PARD3: variants seen among roughly 807,000 people sequenced by gnomAD.
PARD3 encodes partitioning defective 3 homolog.
In PARD3, 75 loss-of-function variants were observed where a neutral mutation model predicts 155.4. The ratio of observed to expected loss-of-function variants is 0.48; its 90% CI spans 0.40 to 0.58. The LOEUF (loss-of-function observed/expected upper bound fraction) is 0.58. Among genes scored for constraint, PARD3 ranks in the 20% least tolerant of loss-of-function variants. The pLI is 0.00. For synonymous variants in PARD3, 576 were observed against 610.5 expected (o/e 0.94, Z 0.83); for missense variants, 1,642 against 1,721.7 (o/e 0.95, Z 0.82).
chr10:34,198,121 G>C (rs957375667), intron 22 of PARD3, among the ~76,000 whole-genome samples: 8 of 152,224 alleles, frequency 5.3e-5, no homozygotes, highest in African/African-American at 1.4e-4. Context: ...AATGATAACA[G>C]CAAGATTCAG....
intron 22 of PARD3, among the ~76,000 whole-genome samples, chr10:34,167,754 C>G (rs770736112): frequency 1.3e-5 from 2 of 152,106 alleles, no homozygotes; most frequent in African/African-American, 2.4e-5. Flanking sequence ...AACTTGTTTA[C>G]GCTTGAACGT....
intron 3 of PARD3, among the ~76,000 whole-genome samples, chr10:34,500,739 T>G (rs2080636526): frequency 6.6e-6 from 1 of 151,956 alleles, no homozygotes; most frequent in East Asian, 1.9e-4. Flanking sequence ...TAACAAAAGT[T>G]ACATAAAATA....
At chr10:34,651,110 C>T (rs996332351) in intron 2 of PARD3, among the ~76,000 whole-genome samples, 11 of 150,746 alleles carry the variant, frequency 7.3e-5, no homozygotes, top group Non-Finnish European at 1.6e-4. Context: ...GGAATCACAG[C>T]CGCCCGCACA....
intron 21 of PARD3, among the ~76,000 whole-genome samples, chr10:34,278,872 C>G (rs1956020271): frequency 6.6e-6 from 1 of 152,122 alleles, no homozygotes; most frequent in Non-Finnish European, 1.5e-5. Flanking sequence ...TAATAAAACA[C>G]TAGAATAATA....
intron 22 of PARD3, among the ~76,000 whole-genome samples, chr10:34,162,214 T>C (rs914866502): frequency 1.3e-5 from 2 of 151,980 alleles, no homozygotes; most frequent in Non-Finnish European, 2.9e-5. Context: ...ATATGCACAC[T>C]GGGGGGAAGG....
chr10:34,550,355 G>T (rs531105924), intron 2 of PARD3, among the ~76,000 whole-genome samples: 1 of 152,090 alleles, frequency 6.6e-6, no homozygotes, highest in Non-Finnish European at 1.5e-5. Flanking sequence ...GGGACTACAG[G>T]TGTGTACCAC....
chr10:34,310,411 A>C (rs1209724319), intron 20 of PARD3, among the ~76,000 whole-genome samples: 1 of 152,262 alleles, frequency 6.6e-6, no homozygotes, highest in Non-Finnish European at 1.5e-5. Context: ...AAATTGACTT[A>C]GCATCTCAGA....
intron 2 of PARD3, among the ~76,000 whole-genome samples, chr10:34,682,042 GAAAGA>G: frequency 6.6e-6 from 1 of 151,842 alleles, no homozygotes; most frequent in East Asian, 1.9e-4. Context: ...AGGGCTAGAT[GAAAGA>G]AAAGGATGCT....
intron 5 of PARD3, among the ~76,000 whole-genome samples, chr10:34,413,176 CACACAT>C (rs1845288117): frequency 7.0e-6 from 1 of 143,286 alleles, no homozygotes; most frequent in African/African-American, 2.5e-5. Flanking sequence ...CACACACACA[CACACAT>C]ATATATAAGA....
At chr10:34,723,808 G>A (rs896471431) in intron 1 of PARD3, among the ~76,000 whole-genome samples, 1 of 152,148 alleles carries the variant, frequency 6.6e-6, no homozygotes, top group African/African-American at 2.4e-5. Context: ...TGAGCACACC[G>A]CAGGGATGCA....
chr10:34,691,984 G>A (rs1438062903), intron 2 of PARD3, among the ~76,000 whole-genome samples: 1 of 152,234 alleles, frequency 6.6e-6, no homozygotes, highest in Non-Finnish European at 1.5e-5. Context: ...TGTAATCCCA[G>A]TACTTTGGAG....
intron 9 of PARD3, among the ~76,000 whole-genome samples, chr10:34,382,060 T>C (rs1214867547): frequency 6.6e-6 from 1 of 151,142 alleles, no homozygotes; most frequent in Admixed American, 6.6e-5. Context: ...TACTATAAAC[T>C]CCTGGCAGCC....
chr10:34,678,142 C>T (rs539244518), intron 2 of PARD3, among the ~76,000 whole-genome samples: 208 of 152,206 alleles, frequency 1.4e-3, no homozygotes, highest in Non-Finnish European at 2.5e-3. Flanking sequence ...GGTGCAATCT[C>T]GGCTCACTGC....
chr10:34,700,345 A>T (rs1056312448), intron 1 of PARD3, among the ~76,000 whole-genome samples: 5 of 152,228 alleles, frequency 3.3e-5, no homozygotes, highest in African/African-American at 1.2e-4. Context: ...AGTTGCAAGG[A>T]ATGCTGAGGC....
intron 22 of PARD3, among the ~76,000 whole-genome samples, chr10:34,158,684 G>A (rs1040258452): frequency 1.3e-5 from 2 of 152,200 alleles, no homozygotes; most frequent in Non-Finnish European, 2.9e-5. Context: ...CAACACAACT[G>A]TCTGCCATGA....
At chr10:34,346,496 A>G (rs571473940) in intron 15 of PARD3, 2 of 1,338,426 alleles carry the variant, frequency 1.5e-6, no homozygotes, top group African/African-American at 1.5e-5. Context: ...GTGCACAAAT[A>G]TCTAGGGACA....
At chr10:34,346,005 A>G in intron 15 of PARD3, 3 of 985,284 alleles carry the variant, frequency 3.0e-6, no homozygotes, top group Non-Finnish European at 3.6e-6. Context: ...AAAATATCCA[A>G]ATCATAAAAA....
At chr10:34,381,472 A>G (rs994726722) in intron 9 of PARD3, among the ~76,000 whole-genome samples, 1 of 152,236 alleles carries the variant, frequency 6.6e-6, no homozygotes, top group Non-Finnish European at 1.5e-5. Context: ...TGAAAATCAT[A>G]AAGTCAAGTC....
chr10:34,654,170 TA>T (rs74707143), intron 2 of PARD3, among the ~76,000 whole-genome samples: 5,133 of 122,032 alleles, frequency 0.042, 223 homozygotes, highest in African/African-American at 0.12. Context: ...AGTAAAACTG[TA>T]AAAAAAAAAA....
Sources: allele counts gnomAD v4.1 joint callset (sites outside exome capture counted in the v4.1 genomes callset), GRCh38; gene constraint gnomAD v4.1.1; transcripts MANE v1.5; gene names NCBI Gene and HGNC (gene_info 2026-07-23, HGNC 2026-07-21).